The following LIN28B variants were observed in gnomAD, a reference collection of about 807,000 sequenced individuals.
The protein encoded by LIN28B is lin-28 RNA binding posttranscriptional regulator B, also known as protein lin-28 homolog B.
A neutral mutation model predicts 21.9 loss-of-function variants in LIN28B; 5 were observed. That is an observed-to-expected ratio of 0.23 (90% CI 0.12 to 0.48). The LOEUF (loss-of-function observed/expected upper bound fraction) is 0.48, where lower values mean the gene tolerates loss of function less well. Ranked by LOEUF, LIN28B falls within the 20% of genes least tolerant of loss-of-function variation. The probability of loss-of-function intolerance (pLI) is 0.98; values close to 1 mark genes in which losing one functional copy is unlikely to be tolerated. For synonymous variants in LIN28B, 109 were observed against 111.3 expected (o/e 0.98, Z 0.13); for missense variants, 245 against 310.5 (o/e 0.79, Z 1.58).
At position 105,005,604 on chromosome 6, in the gene LIN28B, G is replaced by GCT. The variant is rs139594936; in HGVS notation, c.199-20677_199-20676dup. Among the ~76,000 whole-genome samples, 856 of 148,748 alleles carry GCT rather than the reference G, an allele frequency of 5.8e-3. 7 individuals are homozygous for GCT. Among genetic ancestry groups the GCT allele is most frequent in the African/African-American group, 0.02 (802 of 40,764 alleles). Reference sequence around the variant, plus strand: ...AAAAGTGTGTGGCACTCGTCCCTTGGCTCTCTCTCTCTCTCTCTGCTGCTG... The same window carrying GCT: ...AAAAGTGTGTGGCACTCGTCCCTTGGCTCTCTCTCTCTCTCTCTCTGCTGCTG... On this transcript the variant is annotated intron_variant, in intron 2 of 3. Coordinates refer to ENST00000345080, the MANE Select transcript of LIN28B (RefSeq NM_001004317.4).
chr6:105,070,632 A>ACACACACACACACACACG, intron 3 of LIN28B, among the ~76,000 whole-genome samples: 2 of 150,936 alleles, frequency 1.3e-5, no homozygotes, highest in Non-Finnish European at 2.9e-5. Context: ...ACACACACAC[A>ACACACACACACACACACG]CACACACACT....
chr6:105,046,248 TG>T (rs1582916466), intron 3 of LIN28B, among the ~76,000 whole-genome samples: 1 of 152,134 alleles, frequency 6.6e-6, no homozygotes, highest in African/African-American at 2.4e-5. Flanking sequence ...TTCCCACCTA[TG>T]AGTGAGAACA....
At chr6:105,006,559 G>A (rs887849139) in intron 2 of LIN28B, among the ~76,000 whole-genome samples, 1 of 152,156 alleles carries the variant, frequency 6.6e-6, no homozygotes, top group Non-Finnish European at 1.5e-5. Flanking sequence ...TGATCCACCC[G>A]TCTTGGCCTC....
intron 2 of LIN28B, among the ~76,000 whole-genome samples, chr6:104,945,908 T>G (rs1373274292): frequency 1.3e-5 from 2 of 152,038 alleles, no homozygotes; most frequent in African/African-American, 4.8e-5. Context: ...CAAAATAAAT[T>G]CTTCTTATTA....
chr6:104,959,226 A>C (rs560879440), intron 2 of LIN28B, among the ~76,000 whole-genome samples: 2 of 152,270 alleles, frequency 1.3e-5, no homozygotes, highest in South Asian at 4.1e-4. Flanking sequence ...GGTAAATATA[A>C]ATTTTCTGTA....
intron 2 of LIN28B, among the ~76,000 whole-genome samples, chr6:104,968,315 A>C (rs1049815104): frequency 2.0e-5 from 3 of 152,220 alleles, no homozygotes; most frequent in African/African-American, 7.2e-5. Context: ...AGCTAAGATA[A>C]AAAGCAAATA....
At chr6:105,008,472 G>A (rs541699801) in intron 2 of LIN28B, among the ~76,000 whole-genome samples, 148 of 151,984 alleles carry the variant, frequency 9.7e-4, no homozygotes, top group African/African-American at 3.3e-3. Flanking sequence ...GTGAAACCCC[G>A]TCTCTATTAA....
chr6:104,992,250 G>A (rs919783942), intron 2 of LIN28B, among the ~76,000 whole-genome samples: 11 of 151,920 alleles, frequency 7.2e-5, no homozygotes, highest in African/African-American at 2.7e-4. Flanking sequence ...AGTAGAGACA[G>A]GGTTTTTCCA....
intron 2 of LIN28B, among the ~76,000 whole-genome samples, chr6:104,992,925 A>T (rs1770525820): frequency 6.6e-6 from 1 of 152,092 alleles, no homozygotes; most frequent in African/African-American, 2.4e-5. Flanking sequence ...AATTTATTTC[A>T]GACAACTTTG....
intron 3 of LIN28B, among the ~76,000 whole-genome samples, chr6:105,043,162 C>T (rs1224537518): frequency 2.0e-5 from 3 of 151,934 alleles, no homozygotes; most frequent in African/African-American, 7.3e-5. Flanking sequence ...CGTTATGGCT[C>T]ATGCCTATAA....
chr6:105,062,783 C>T (rs868706586), intron 3 of LIN28B, among the ~76,000 whole-genome samples: 5 of 151,446 alleles, frequency 3.3e-5, no homozygotes, highest in South Asian at 4.2e-4. Flanking sequence ...TTTCAGGGCT[C>T]GTAATTTTGT....
intron 3 of LIN28B, among the ~76,000 whole-genome samples, chr6:105,071,205 A>G (rs1772327385): frequency 6.6e-6 from 1 of 152,122 alleles, no homozygotes; most frequent in Non-Finnish European, 1.5e-5. Context: ...GAAAATGCAC[A>G]CAATTACTTA....
chr6:105,049,137 C>G (rs1423177115), intron 3 of LIN28B, among the ~76,000 whole-genome samples: 2 of 151,388 alleles, frequency 1.3e-5, no homozygotes, highest in Non-Finnish European at 3.0e-5. Flanking sequence ...CCTGCTTTCT[C>G]TTGTGCTATA....
chr6:105,004,337 C>T (rs970325499), intron 2 of LIN28B, among the ~76,000 whole-genome samples: 1 of 152,148 alleles, frequency 6.6e-6, no homozygotes, highest in African/African-American at 2.4e-5. Context: ...ACTATCACAG[C>T]TAAGAAGGAA....
intron 2 of LIN28B, among the ~76,000 whole-genome samples, chr6:104,967,031 TAC>T (rs1200296289): frequency 6.6e-6 from 1 of 151,978 alleles, no homozygotes; most frequent in African/African-American, 2.4e-5. Flanking sequence ...CTGCCAAAGT[TAC>T]AGAGATTTAC....
chr6:104,947,143 G>A (rs1208102334), intron 2 of LIN28B, among the ~76,000 whole-genome samples: 1 of 151,722 alleles, frequency 6.6e-6, no homozygotes, highest in African/African-American at 2.4e-5. Context: ...TTTATTTTTT[G>A]AGACAGAGTC....
chr6:104,982,385 T>G (rs559036916), intron 2 of LIN28B, among the ~76,000 whole-genome samples: 1 of 152,254 alleles, frequency 6.6e-6, no homozygotes, highest in African/African-American at 2.4e-5. Context: ...TGAATGACAG[T>G]TAATGCCCCA....
intron 2 of LIN28B, among the ~76,000 whole-genome samples, chr6:104,946,477 G>A (rs556638060): frequency 9.2e-5 from 14 of 152,152 alleles, no homozygotes; most frequent in East Asian, 3.9e-4. Context: ...TTAAATGTTC[G>A]TTTAAAGGAC....
chr6:105,018,074 C>T (rs1415062468), intron 2 of LIN28B, among the ~76,000 whole-genome samples: 2 of 151,620 alleles, frequency 1.3e-5, no homozygotes, highest in Non-Finnish European at 2.9e-5. Context: ...GAGTTCAAGA[C>T]CAGCCTAGTG....
Sources: allele counts gnomAD v4.1 joint callset (sites outside exome capture counted in the v4.1 genomes callset), GRCh38; gene constraint gnomAD v4.1.1; transcripts MANE v1.5; gene names NCBI Gene and HGNC (gene_info 2026-07-23, HGNC 2026-07-21).